The following ZNF343 variants were observed in gnomAD, a reference collection of about 807,000 sequenced individuals.
ZNF343 encodes zinc finger protein 343.
A neutral mutation model predicts 13.8 loss-of-function variants in ZNF343; 11 were observed. The observed-to-expected ratio is 0.80, with a 90% CI of 0.50 to 1.32. ZNF343 has a LOEUF of 1.32. Ranked by LOEUF, ZNF343 falls within the 40% of genes most tolerant of loss-of-function variation. ZNF343 has a pLI of 0.00. For synonymous variants in ZNF343, 248 were observed against 260.0 expected, an observed-to-expected ratio of 0.95 and a Z score of 0.44; for missense variants, 658 against 714.2, an observed-to-expected ratio of 0.92 and a Z score of 0.90.
Position 2,493,839 on chromosome 20 carries a change from A to T in ZNF343, c.57T>A (p.Leu19=). 1 of 1,614,000 alleles carries T rather than the reference A, an allele frequency of 6.2e-7. No individual in the cohort carries two copies. The highest frequency in any genetic ancestry group is 8.5e-7 in the Non-Finnish European group (1 of 1,179,962). The change falls in exon 3 of 6, where the codon CTT becomes CTA. Residue 19 remains leucine, a synonymous_variant. Transcript: ENST00000278772. The part of the protein sequence containing the change: ...LGDQYWEEIL[L]PKNGENVETM... Reference sequence around the variant, plus strand: ...TCTCTACATTTTCCCCATTCTTTGGAAGCAAAATCTCTTCCCAGTATTGAT... The same window carrying T: ...TCTCTACATTTTCCCCATTCTTTGGTAGCAAAATCTCTTCCCAGTATTGAT...
intron 1 of ZNF343, among the ~76,000 whole-genome samples, chr20:2,515,734 T>C (rs894329427): frequency 6.6e-6 from 1 of 152,216 alleles, no homozygotes; most frequent in Non-Finnish European, 1.5e-5. Flanking sequence ...AATGTATGGT[T>C]GAGGGTCTTT....
chr20:2,515,417 C>A (rs1422689430), intron 1 of ZNF343, among the ~76,000 whole-genome samples: 4 of 152,184 alleles, frequency 2.6e-5, no homozygotes, highest in African/African-American at 9.7e-5. Context: ...GGAGGAATTA[C>A]AATGACTCAG....
intron 2 of ZNF343, among the ~76,000 whole-genome samples, chr20:2,497,575 G>A (rs1474349852): frequency 6.6e-6 from 1 of 152,240 alleles, no homozygotes; most frequent in Non-Finnish European, 1.5e-5. Context: ...AGTAGTGGCT[G>A]CTGGTGACCT....
upstream of ZNF343, among the ~76,000 whole-genome samples, chr20:2,511,623 C>CT (rs2085739669): frequency 3.9e-5 from 6 of 152,092 alleles, no homozygotes; most frequent in Admixed American, 3.9e-4. Flanking sequence ...ATCTCTGTCC[C>CT]TTCTGTTTAA....
At position 2,483,589 on chromosome 20, in the gene ZNF343, T is replaced by A; in HGVS notation, c.1372A>T (p.Thr458Ser). 6.2e-7 allele frequency: 1 copy of A among 1,613,302 alleles called. No homozygotes were observed. The highest frequency in any genetic ancestry group is 1.3e-5 in the African/African-American group (1 of 74,752). Residue 458 changes from threonine to serine, a missense_variant, in exon 6 of 6, where the codon ACG (threonine) becomes TCG (serine). Physicochemically the swap from Thr to Ser is moderately conservative, Grantham distance 58. Coordinates refer to ENST00000278772, the MANE Select transcript of ZNF343 (RefSeq NM_024325.6). ...DKSTLIIHER[T>S]HSGEKPYVCG... is the part of the protein sequence containing the mutation. Reference sequence around the variant, plus strand: ...ACATAAGGCTTCTCTCCAGAGTGCGTCCGCTCGTGTATGATGAGGGTTGAC... The same window carrying A: ...ACATAAGGCTTCTCTCCAGAGTGCGACCGCTCGTGTATGATGAGGGTTGAC...
At position 2,513,974 on chromosome 20, in the gene ZNF343, A is replaced by G. The variant is rs574674974; in HGVS notation, c.-347+10481T>C. ...AGATTAGTAGCAGGGTCTAGTGGAA[A>G]GGTGAAATGCAAAATGACCACTTAA... On this transcript the variant is annotated intron_variant, in intron 1 of 6. Transcript: ENST00000358413. Among the ~76,000 whole-genome samples, 416 of 152,354 alleles carry G rather than the reference A, an allele frequency of 2.7e-3. 4 individuals carry two copies. The highest frequency in any genetic ancestry group is 9.7e-3 in the African/African-American group (405 of 41,582).
chr20:2,483,739 G>C lies in ZNF343; in HGVS notation c.1222C>G (p.Pro408Ala), dbSNP rs200936001. Reference protein sequence around the residue: ...KHQRIHSGEKPYVCRECGRGF... With the variant: ...KHQRIHSGEKAYVCRECGRGF... ...CGCCCACACTCCCTGCAAACATAAG[G>C]CTTCTCCCCTGAGTGTATCCTCTGG... Residue 408 changes from proline to alanine, a missense_variant, in exon 6 of 6, where the codon CCT (proline) becomes GCT (alanine). Pro to Ala is a conservative substitution (Grantham distance 27). Transcript: ENST00000278772. The C allele has an allele frequency of 2.4e-5, 39 of 1,613,990 alleles. No homozygotes were observed. The highest frequency in any genetic ancestry group is 3.3e-5 in the Non-Finnish European group (39 of 1,180,000).
In ZNF343 at chr20:2,519,762, C is replaced by G. The variant is rs186192812; in HGVS notation, c.-347+4693G>C. On this transcript the variant is annotated intron_variant, in intron 1 of 6. Transcript: ENST00000358413. Reference sequence around the variant, plus strand: ...ACATTTCATTTGAGATGTTCCTGAACCTGGACCTGAACCTTAGTTGAAAGT... The same window carrying G: ...ACATTTCATTTGAGATGTTCCTGAAGCTGGACCTGAACCTTAGTTGAAAGT... Among the ~76,000 whole-genome samples, 10 of 152,280 alleles carry G rather than the reference C, an allele frequency of 6.6e-5. No homozygotes were observed. The East Asian group carries it at 1.9e-3, about 29-fold the overall frequency.
intron 1 of ZNF343, among the ~76,000 whole-genome samples, chr20:2,501,167 C>T (rs1217688254): frequency 2.0e-5 from 3 of 152,326 alleles, no homozygotes; most frequent in Admixed American, 6.5e-5. Flanking sequence ...TTATATCCCG[C>T]GCCTGGCTCA....
chr20:2,498,219 G>A (rs1453928066), intron 2 of ZNF343, among the ~76,000 whole-genome samples: 1 of 152,184 alleles, frequency 6.6e-6, no homozygotes, highest in Non-Finnish European at 1.5e-5. Flanking sequence ...AGCCGGGCGT[G>A]GTGGCGCATG....
Position 2,483,977 on chromosome 20 carries a change from C to G in ZNF343, c.984G>C (p.Arg328Ser), listed in dbSNP as rs1329828895. The stretch of plus-strand genomic sequence containing the variant: ...TACTTCTAAAGCTTTGCCCACACTC[C>G]CTGCACAAATAAGGCTTCTCTTCTG... ...THSEEKPYLCRECGQSFRSKS... is the reference protein window; with the variant it reads ...THSEEKPYLCSECGQSFRSKS... Residue 328 changes from arginine (R) to serine (S), a missense_variant, in exon 6 of 6, where the codon AGG (arginine) becomes AGC (serine). Transcript: ENST00000278772. The G allele has an allele frequency of 1.2e-6, 2 of 1,614,054 alleles. No homozygotes were observed. Among genetic ancestry groups the G allele is most frequent in the Non-Finnish European group, 1.7e-6 (2 of 1,179,978 alleles).
chr20:2,518,368 C>A lies in ZNF343; in HGVS notation c.-347+6087G>T, dbSNP rs536925868. Among the ~76,000 whole-genome samples the A allele has an allele frequency of 1.3e-5, 2 of 152,122 alleles. No individual in the cohort carries two copies. The highest frequency in any genetic ancestry group is 4.1e-4 in the South Asian group (2 of 4,826). Reference sequence around the variant, plus strand: ...ATTATAATGAATCAAAAGCAGTATTCGTGTAAATGAGCTCATTGTCACATT... The same window carrying A: ...ATTATAATGAATCAAAAGCAGTATTAGTGTAAATGAGCTCATTGTCACATT... On this transcript the variant is annotated intron_variant, in intron 1 of 6. Transcript: ENST00000358413. This position sits in a 1 kb window ranked among gnomAD's most constrained non-coding sequence, Gnocchi z 4.6.
chr20:2,520,611 A>G (rs546757900), intron 1 of ZNF343, among the ~76,000 whole-genome samples: 2 of 152,212 alleles, frequency 1.3e-5, no homozygotes, highest in East Asian at 3.9e-4. Flanking sequence ...ATTTTATTTT[A>G]TTTTATTTTA....
intron 1 of ZNF343, among the ~76,000 whole-genome samples, chr20:2,517,353 A>G (rs1031074738): frequency 5.9e-4 from 83 of 141,604 alleles, no homozygotes; most frequent in African/African-American, 2.2e-3. Flanking sequence ...ACATTCAGCC[A>G]ATGTATATGT....
chr20:2,485,444 T>C (rs2085267431), intron 5 of ZNF343, among the ~76,000 whole-genome samples: 1 of 152,264 alleles, frequency 6.6e-6, no homozygotes, highest in Admixed American at 6.5e-5. Flanking sequence ...ACCACGTACT[T>C]GGCCCCAGAC....
At chr20:2,490,543 G>GTTTTTTT (rs35423481) in intron 5 of ZNF343, among the ~76,000 whole-genome samples, 1 of 144,164 alleles carries the variant, frequency 6.9e-6, no homozygotes. Flanking sequence ...TTTGGTTTTT[G>GTTTTTTT]TTTTTTTTTT....
chr20:2,498,211 C>T (rs975953334), intron 2 of ZNF343, among the ~76,000 whole-genome samples: 48 of 152,176 alleles, frequency 3.2e-4, no homozygotes, highest in African/African-American at 9.4e-4. Flanking sequence ...ACAAAATTAG[C>T]CGGGCGTGGT....
At chr20:2,505,173 C>T (rs1004923112) in intron 1 of ZNF343, among the ~76,000 whole-genome samples, 38 of 151,992 alleles carry the variant, frequency 2.5e-4, no homozygotes, top group Admixed American at 8.5e-4. Context: ...ACAAACAGAG[C>T]GCCAAATCAT....
rs1387921766 is a variant in ZNF343 at position 2,482,091 on chromosome 20, G to A, written c.*1070C>T. The A allele has an allele frequency of 6.6e-6, 1 of 152,114 alleles. No individual in the cohort carries two copies. The highest frequency in any genetic ancestry group is 1.5e-5 in the Non-Finnish European group (1 of 68,018). 9.4% of individuals were successfully genotyped at this position (152,114 alleles called of 1,614,324 possible). ...TTCTCCCTGAGTGTGTCCTCCTTTAGTACAAGATGAGGTTTAACTTATTGC... is the reference window on the plus strand; with the variant it reads ...TTCTCCCTGAGTGTGTCCTCCTTTAATACAAGATGAGGTTTAACTTATTGC... On this transcript the variant is annotated 3_prime_UTR_variant, in exon 6 of 6. Coordinates refer to ENST00000278772, the MANE Select transcript of ZNF343 (RefSeq NM_024325.6).
Sources: allele counts gnomAD v4.1 joint callset (sites outside exome capture counted in the v4.1 genomes callset), GRCh38; gene constraint gnomAD v4.1.1; non-coding constraint Gnocchi (gnomAD v3.1); transcripts MANE v1.5; gene names NCBI Gene and HGNC (gene_info 2026-07-23, HGNC 2026-07-21).